EYS: variants seen among roughly 807,000 people sequenced by gnomAD.
EYS encodes protein eyes shut homolog.
EYS carries 250 observed loss-of-function variants against 282.1 expected under a neutral mutation model. The observed-to-expected ratio is 0.89, with a 90% confidence interval of 0.80 to 0.98. The LOEUF is 0.98. EYS is among the 50% of genes least tolerant of loss of function. The pLI, the probability that EYS is intolerant of heterozygous loss-of-function variation, is 0.00. For synonymous variants in EYS, 1,355 were observed against 1,282.9 expected (o/e 1.06, Z -1.20); for missense variants, 4,016 against 3,709.0 (o/e 1.08, Z -2.15).
rs1477452664 is a variant in EYS, at chr6:64,466,349, TAA to T, written c.5645-26999_5645-26998del. ...GTAATAGATATTTATAAAATCAATC[TAA>T]ATATCCATCAATGGATGAATGGATA... is the stretch of plus-strand genomic sequence containing the variant. On this transcript the variant is annotated intron_variant, in intron 26 of 42. Coordinates refer to ENST00000503581, the MANE Select transcript of EYS (RefSeq NM_001142800.2). Among the ~76,000 whole-genome samples the T allele has an allele frequency of 2.0e-5, 3 of 152,086 alleles. No individual in the cohort carries two copies. The East Asian group carries it at 5.8e-4, about 29-fold the overall frequency.
chr6:64,775,160 T>TA (rs1773640969), intron 22 of EYS, among the ~76,000 whole-genome samples: 1 of 151,916 alleles, frequency 6.6e-6, no homozygotes. Context: ...AAATTATTTC[T>TA]AAAAATCAGT....
chr6:65,484,093 C>T (rs995863209), intron 5 of EYS, among the ~76,000 whole-genome samples: 1 of 151,630 alleles, frequency 6.6e-6, no homozygotes, highest in Non-Finnish European at 1.5e-5. Flanking sequence ...AAATGTGATG[C>T]TTCCTGTACA....
Position 65,550,185 on chromosome 6 carries a change from T to G in EYS, c.-332-54192A>C, listed in dbSNP as rs1272756604. Among the ~76,000 whole-genome samples the G allele has an allele frequency of 1.6e-4, 6 of 37,230 alleles. 1 individual carries two copies. Among genetic ancestry groups the G allele is most frequent in the Non-Finnish European group, 1.6e-4 (4 of 24,914 alleles). 24.4% of individuals were successfully genotyped at this position (37,230 alleles called of 152,430 possible). On this transcript the variant is annotated intron_variant, in intron 2 of 42. Transcript: ENST00000503581. ...TTTTTTTTTTTTTTTTTTTTTTTTTTGGGGATAAGACCATCTTTATTTCCC... is the reference window on the plus strand; with the variant it reads ...TTTTTTTTTTTTTTTTTTTTTTTTTGGGGGATAAGACCATCTTTATTTCCC...
At chr6:65,060,974 C>T (rs142731271) in intron 12 of EYS, among the ~76,000 whole-genome samples, 1 of 151,608 alleles carries the variant, frequency 6.6e-6, no homozygotes, top group Non-Finnish European at 1.5e-5. Context: ...GATACTGTAT[C>T]TGTAAAGGAC....
chr6:63,808,439 T>C (rs761307180), intron 36 of EYS, among the ~76,000 whole-genome samples: 2 of 152,198 alleles, frequency 1.3e-5, no homozygotes, highest in Non-Finnish European at 2.9e-5. Flanking sequence ...ATTATTCTGT[T>C]GATGAAGTGT....
At chr6:64,107,291 A>T (rs777093502) in intron 31 of EYS, among the ~76,000 whole-genome samples, 5 of 110,674 alleles carry the variant, frequency 4.5e-5, no homozygotes, top group African/African-American at 1.8e-4. Context: ...ATATTTATAT[A>T]TATATATATA....
chr6:65,300,920 T>G (rs1768802994), intron 11 of EYS: 1 of 152,176 alleles, frequency 6.6e-6, no homozygotes, highest in Non-Finnish European at 1.5e-5. Context: ...CTCTGTGTAT[T>G]GCTCAAGAAT....
At chr6:65,704,950 G>C (rs1255730189) in intron 1 of EYS, among the ~76,000 whole-genome samples, 1 of 152,130 alleles carries the variant, frequency 6.6e-6, no homozygotes, top group Non-Finnish European at 1.5e-5. Context: ...ATCTTCTGAA[G>C]TGTTAGTTTT....
intron 33 of EYS, among the ~76,000 whole-genome samples, chr6:64,041,653 C>T (rs114414061): frequency 0.019 from 2,867 of 152,228 alleles, 44 homozygotes; most frequent in Non-Finnish European, 0.032. Flanking sequence ...AAGGCAATAA[C>T]AATCTTCAGT....
intron 15 of EYS, among the ~76,000 whole-genome samples, chr6:64,935,920 G>T (rs1768891031): frequency 6.6e-6 from 1 of 151,652 alleles, no homozygotes; most frequent in Admixed American, 6.6e-5. Context: ...CAAAAGAGAA[G>T]GGGAAAATTC....
rs761210656 is a variant in EYS at position 65,606,426 on chromosome 6, CTAAGA to C, written c.-333+33347_-333+33351del. On this transcript the variant is annotated intron_variant, in intron 2 of 42. Transcript: ENST00000503581. ...AATACCATTTTCGTAAAATGAAATT[CTAAGA>C]TAAATTTGAATTTTGTTTTTTTGAA... Among the ~76,000 whole-genome samples, 29 of 151,784 alleles carry C rather than the reference CTAAGA, an allele frequency of 1.9e-4. No individual in the cohort carries two copies. The Middle Eastern group carries it at 0.01, about 54-fold the overall frequency.
intron 22 of EYS, among the ~76,000 whole-genome samples, chr6:64,809,312 C>T (rs919838596): frequency 2.6e-5 from 4 of 152,002 alleles, no homozygotes; most frequent in African/African-American, 9.7e-5. Context: ...ACTAACTACT[C>T]TGTAAACAGA....
intron 19 of EYS, among the ~76,000 whole-genome samples, chr6:64,862,982 T>G (rs1020658229): frequency 1.3e-5 from 2 of 152,170 alleles, no homozygotes; most frequent in Non-Finnish European, 2.9e-5. Flanking sequence ...CTGGATATGT[T>G]GTTTTCAGCA....
intron 22 of EYS, among the ~76,000 whole-genome samples, chr6:64,693,118 A>G (rs550137902): frequency 2.7e-4 from 41 of 151,308 alleles, no homozygotes; most frequent in Non-Finnish European, 4.9e-4. Flanking sequence ...AAAAATGTAA[A>G]TTAGTTCTAC....
intron 2 of EYS, among the ~76,000 whole-genome samples, chr6:65,627,580 A>T (rs1431372925): frequency 1.3e-5 from 2 of 152,014 alleles, no homozygotes; most frequent in Non-Finnish European, 2.9e-5. Context: ...GGCCAGCTGG[A>T]GTTCCGGGTC....
At chr6:64,686,129 G>A (rs909497397) in intron 22 of EYS, among the ~76,000 whole-genome samples, 5 of 151,240 alleles carry the variant, frequency 3.3e-5, no homozygotes, top group African/African-American at 1.2e-4. Flanking sequence ...AACTGTTAAA[G>A]CAGTGCTTAG....
chr6:65,269,728 T>C (rs1767847904), intron 12 of EYS, among the ~76,000 whole-genome samples: 1 of 152,046 alleles, frequency 6.6e-6, no homozygotes, highest in Non-Finnish European at 1.5e-5. Flanking sequence ...CTCTTCCTCT[T>C]CCAAGTTTCA....
chr6:65,581,073 A>G (rs1315313667), intron 2 of EYS, among the ~76,000 whole-genome samples: 1 of 152,134 alleles, frequency 6.6e-6, no homozygotes, highest in Non-Finnish European at 1.5e-5. Flanking sequence ...TTAAGGAATT[A>G]TCTATTAACA....
At chr6:64,041,774 G>T (rs991290915) in intron 33 of EYS, among the ~76,000 whole-genome samples, 9 of 152,054 alleles carry the variant, frequency 5.9e-5, no homozygotes, top group African/African-American at 2.2e-4. Context: ...TGAAATTTTT[G>T]CTGTCCACAT....
Sources: allele counts gnomAD v4.1 joint callset (sites outside exome capture counted in the v4.1 genomes callset), GRCh38; gene constraint gnomAD v4.1.1; transcripts MANE v1.5; gene names NCBI Gene and HGNC (gene_info 2026-07-23, HGNC 2026-07-21).